The following HMCES variants were observed in gnomAD, a reference collection of about 807,000 sequenced individuals.
HMCES encodes the protein 5-hydroxymethylcytosine binding, ES cell specific.
Under a neutral mutation model 35.1 loss-of-function variants are expected in HMCES, and 27 were observed. The ratio of observed to expected loss-of-function variants is 0.77; its 90% CI spans 0.57 to 1.06. The LOEUF is 1.06. Ranked by LOEUF, HMCES falls within the 50% of genes least tolerant of loss-of-function variation. The probability of loss-of-function intolerance (pLI) is 0.00; values close to 1 mark genes in which losing one functional copy is unlikely to be tolerated. For missense variants in HMCES, 391 were observed against 430.4 expected (o/e 0.91, Z 0.81); for synonymous variants, 130 against 154.7 (o/e 0.84, Z 1.18).
chr3:129,282,514 G>A (rs1560072269), intron 2 of HMCES, among the ~76,000 whole-genome samples: 1 of 152,162 alleles, frequency 6.6e-6, no homozygotes, highest in Non-Finnish European at 1.5e-5. Context: ...AATGGGGAAG[G>A]TGGAGCCACT....
At chr3:129,286,350 C>A (rs1247634353) in intron 2 of HMCES, among the ~76,000 whole-genome samples, 1 of 152,124 alleles carries the variant, frequency 6.6e-6, no homozygotes, top group Non-Finnish European at 1.5e-5. Context: ...ATCTGTGAAC[C>A]AGAAAGTGGG....
At chr3:129,297,272 C>G (rs1308636685) in intron 4 of HMCES, among the ~76,000 whole-genome samples, 2 of 152,016 alleles carry the variant, frequency 1.3e-5, no homozygotes, top group Non-Finnish European at 2.9e-5. Flanking sequence ...AGGCAGTTCT[C>G]CGTTCAGTCT....
At chr3:129,294,934 G>T (rs1302953719) in intron 4 of HMCES, among the ~76,000 whole-genome samples, 1 of 152,004 alleles carries the variant, frequency 6.6e-6, no homozygotes, top group Non-Finnish European at 1.5e-5. Flanking sequence ...GAGGTGGGCG[G>T]ATCACCAGGT....
intron 4 of HMCES, among the ~76,000 whole-genome samples, chr3:129,295,695 G>A (rs2071083889): frequency 6.6e-6 from 1 of 152,120 alleles, no homozygotes. Context: ...GAGAAGTCTA[G>A]TGTATAACTG....
chr3:129,282,467 A>T (rs1458929518), intron 2 of HMCES, among the ~76,000 whole-genome samples: 2 of 152,280 alleles, frequency 1.3e-5, no homozygotes, highest in South Asian at 2.1e-4. Context: ...GATCCAGACC[A>T]CCGTCCCCAC....
At chr3:129,303,340 C>T (rs2071193930) in intron 6 of HMCES, among the ~76,000 whole-genome samples, 1 of 152,162 alleles carries the variant, frequency 6.6e-6, no homozygotes, top group South Asian at 2.1e-4. Flanking sequence ...ACAGCTGTCC[C>T]CCTCTCTATT....
chr3:129,285,101 G>A (rs1311537078), intron 2 of HMCES, among the ~76,000 whole-genome samples: 1 of 152,094 alleles, frequency 6.6e-6, no homozygotes, highest in African/African-American at 2.4e-5. Flanking sequence ...TTTTATCTTA[G>A]TAGGTACTTC....
chr3:129,284,552 A>C (rs1027597747), intron 2 of HMCES, among the ~76,000 whole-genome samples: 1 of 152,192 alleles, frequency 6.6e-6, no homozygotes, highest in African/African-American at 2.4e-5. Flanking sequence ...ACTCAAAGCA[A>C]CTTTATGAAA....
intron 2 of HMCES, among the ~76,000 whole-genome samples, chr3:129,280,423 G>T (rs1220686764): frequency 2.6e-5 from 4 of 152,100 alleles, no homozygotes; most frequent in Non-Finnish European, 2.9e-5. Flanking sequence ...CTTGAGCTGG[G>T]GAGGTCGAGG....
intron 2 of HMCES, among the ~76,000 whole-genome samples, chr3:129,281,652 C>T (rs1940488266): frequency 6.6e-6 from 1 of 151,612 alleles, no homozygotes; most frequent in South Asian, 2.1e-4. Context: ...GATTGTGCCA[C>T]TGTACTCTGG....
intron 2 of HMCES, among the ~76,000 whole-genome samples, chr3:129,285,142 T>G (rs1337410400): frequency 6.6e-6 from 1 of 152,174 alleles, no homozygotes; most frequent in Non-Finnish European, 1.5e-5. Flanking sequence ...CCCTAATTTC[T>G]TCTTTTAACA....
Position 129,279,784 on chromosome 3 carries a change from T to TGC in HMCES, c.55_56dup (p.Tyr20ProfsTer84). On this transcript the variant is annotated frameshift_variant, in exon 2 of 7. Transcript: ENST00000383463. LOFTEE classifies it high-confidence loss of function. The surrounding 1 kb of genome is among the most constrained non-coding windows in gnomAD (Gnocchi z 4.2). ...ACCTAGAGATGTTCTCACGAGAGCT[T>TGC]GCGCCTACCAGGATCGGCGGGGCCA... is the stretch of plus-strand genomic sequence containing the variant. The TGC allele has an allele frequency of 6.2e-7, 1 of 1,613,658 alleles. No homozygotes were observed. Among genetic ancestry groups the TGC allele is most frequent in the Non-Finnish European group, 8.5e-7 (1 of 1,179,842 alleles).
At chr3:129,286,089 C>A (rs910477660) in intron 2 of HMCES, among the ~76,000 whole-genome samples, 3 of 152,150 alleles carry the variant, frequency 2.0e-5, no homozygotes, top group Admixed American at 6.5e-5. Context: ...TCCTCTATAC[C>A]AGGGATTGGC....
chr3:129,279,414 C>T lies in HMCES; in HGVS notation c.-23-296C>T, dbSNP rs1443336477. On this transcript the variant is annotated intron_variant, in intron 1 of 6. Transcript: ENST00000383463. This position sits in a 1 kb window ranked among gnomAD's most constrained non-coding sequence, Gnocchi z 4.2. The stretch of plus-strand genomic sequence containing the variant: ...GCGACCCCAGCTAGCTGCGCTTGCC[C>T]TGCTTCGCTGGACTGTGAAGCCCCC... 6.6e-6 allele frequency among the ~76,000 whole-genome samples: 1 copy of T among 152,230 alleles called. No individual in the cohort carries two copies. The highest frequency in any genetic ancestry group is 1.5e-5 in the Non-Finnish European group (1 of 68,044).
At chr3:129,287,017 A>C (rs1940655172) in intron 2 of HMCES, among the ~76,000 whole-genome samples, 1 of 152,224 alleles carries the variant, frequency 6.6e-6, no homozygotes, top group Non-Finnish European at 1.5e-5. Context: ...TAGTGTGTCT[A>C]AGGTTTATTA....
chr3:129,290,797 CAG>C lies in HMCES; in HGVS notation c.450_451del (p.Lys151ValfsTer3). On this transcript the variant is annotated frameshift_variant, in exon 4 of 7. Transcript: ENST00000383463. LOFTEE classifies it high-confidence loss of function. ...TTCATCTATTTTCCTCAAATCAAGA[CAG>C]AGAAGGTATCATTATCAGCATTCAC... is the stretch of plus-strand genomic sequence containing the variant. 1 of 1,612,678 alleles carries C rather than the reference CAG, an allele frequency of 6.2e-7. No homozygotes were observed. Among genetic ancestry groups the C allele is most frequent in the Non-Finnish European group, 8.5e-7 (1 of 1,178,960 alleles).
chr3:129,299,415 T>C (rs968615954), intron 5 of HMCES, among the ~76,000 whole-genome samples: 1 of 152,178 alleles, frequency 6.6e-6, no homozygotes, highest in Admixed American at 6.5e-5. Flanking sequence ...TTTGATTCAA[T>C]GTATAGCCTT....
chr3:129,289,086 A>C, intron 3 of HMCES, 89 bp downstream of exon 3: 4 of 1,031,108 alleles, frequency 3.9e-6, no homozygotes, highest in Non-Finnish European at 5.4e-6. Context: ...AGGACAACCA[A>C]AAATAAATAA....
intron 6 of HMCES, among the ~76,000 whole-genome samples, chr3:129,303,436 T>G (rs1166659355): frequency 1.3e-5 from 2 of 152,250 alleles, no homozygotes; most frequent in East Asian, 3.8e-4. Flanking sequence ...GTGGCACTTT[T>G]TAAAAATTAG....
Sources: gnomAD v4.1 joint callset for allele counts (sites outside exome capture counted in the v4.1 genomes callset) on GRCh38, gnomAD v4.1.1 for gene constraint, Gnocchi (gnomAD v3.1) non-coding constraint, MANE v1.5 for transcripts, NCBI Gene and HGNC (gene_info 2026-07-23, HGNC 2026-07-21) for gene names.